ELL: variants seen among roughly 807,000 people sequenced by gnomAD.
ELL encodes RNA polymerase II elongation factor ELL.
Under a neutral mutation model 64.0 loss-of-function variants are expected in ELL, and 18 were observed. The observed-to-expected ratio is 0.28, with a 90% confidence interval of 0.19 to 0.42. The LOEUF (loss-of-function observed/expected upper bound fraction) is 0.42. ELL is among the 10% of genes least tolerant of loss of function. ELL has a pLI of 1.00. For missense variants in ELL, 797 were observed against 870.4 expected (o/e 0.92, Z 1.06); for synonymous variants, 399 against 376.2 (o/e 1.06, Z -0.70).
chr19:18,481,462 C>T (rs748500251), intron 1 of ELL, among the ~76,000 whole-genome samples: 2 of 152,160 alleles, frequency 1.3e-5, no homozygotes, highest in Non-Finnish European at 2.9e-5. Context: ...CCACTGGGGT[C>T]ATGCAGCCTT....
intron 1 of ELL, among the ~76,000 whole-genome samples, chr19:18,502,491 ACCACCAGGGAAATC>A: frequency 6.6e-6 from 1 of 152,344 alleles, no homozygotes; most frequent in South Asian, 2.1e-4. Context: ...GGGCACCCCC[ACCACCAGGGAAATC>A]CTGCAACCAG....
intron 4 of ELL, among the ~76,000 whole-genome samples, chr19:18,464,145 G>T (rs1245348880): frequency 6.6e-6 from 1 of 152,186 alleles, no homozygotes; most frequent in East Asian, 1.9e-4. Flanking sequence ...CAGGCGAAAG[G>T]ATCATTTGAG....
At chr19:18,471,912 G>C (rs1034861015) in intron 2 of ELL, among the ~76,000 whole-genome samples, 28 of 152,052 alleles carry the variant, frequency 1.8e-4, no homozygotes, top group African/African-American at 6.8e-4. Context: ...TAATGCAGCA[G>C]TCCCCTACCT....
chr19:18,458,313 G>A lies in ELL; in HGVS notation c.761C>T (p.Ala254Val), dbSNP rs1263729711. The A allele has an allele frequency of 6.2e-7, 1 of 1,611,792 alleles. No individual in the cohort carries two copies. The highest frequency in any genetic ancestry group is 1.7e-5 in the Admixed American group (1 of 59,968). ...GLLQQVANMS[A>V]KDGTCTLQDC... is the part of the protein sequence containing the mutation. ...CTGCAGTGTACACGTGCCGTCCTTA[G>A]CACTCATGTTGGCCACCTGCAAGAC... Residue 254 changes from alanine (A) to valine (V), a missense_variant, in exon 6 of 12, where the codon GCT (alanine) becomes GTT (valine). By Grantham distance (64) the Ala-to-Val change is moderately conservative. Coordinates refer to ENST00000262809, the MANE Select transcript of ELL (RefSeq NM_006532.4).
intron 1 of ELL, among the ~76,000 whole-genome samples, chr19:18,493,467 G>C (rs1440409027): frequency 6.6e-6 from 1 of 152,260 alleles, no homozygotes; most frequent in African/African-American, 2.4e-5. Flanking sequence ...AGGGCCTGGT[G>C]CTCCAACTTG....
chr19:18,447,635 T>C (rs923773115), intron 8 of ELL, among the ~76,000 whole-genome samples: 2 of 152,186 alleles, frequency 1.3e-5, no homozygotes, highest in African/African-American at 2.4e-5. Context: ...CCTGAGGGTC[T>C]GGAAATCAGG....
At chr19:18,468,824 G>A (rs1308890225) in intron 2 of ELL, among the ~76,000 whole-genome samples, 1 of 152,226 alleles carries the variant, frequency 6.6e-6, no homozygotes, top group Admixed American at 6.5e-5. Flanking sequence ...GGCTTCAGGG[G>A]AGATGCCACT....
chr19:18,489,831 T>C (rs533962942), intron 1 of ELL, among the ~76,000 whole-genome samples: 7 of 152,188 alleles, frequency 4.6e-5, no homozygotes, highest in African/African-American at 1.4e-4. Flanking sequence ...GGGTGCGAGG[T>C]TGGTCTCTTC....
chr19:18,466,740 C>T lies in ELL; in HGVS notation c.184-822G>A, dbSNP rs566602460. Among the ~76,000 whole-genome samples, 25 of 152,338 alleles carry T rather than the reference C, an allele frequency of 1.6e-4. 1 individual carries two copies. In the South Asian group the frequency reaches 5.2e-3, roughly 32 times the overall value. The stretch of plus-strand genomic sequence containing the variant: ...GGCCCTTCCTAAACTAATGCCTGGG[C>T]TTTGGCATGAGCTCCTCACAGTTAG... On this transcript the variant is annotated intron_variant, in intron 2 of 11. Transcript: ENST00000262809.
chr19:18,514,080 C>A (rs1297554406), intron 1 of ELL, among the ~76,000 whole-genome samples: 1 of 152,152 alleles, frequency 6.6e-6, no homozygotes, highest in Admixed American at 6.5e-5. Flanking sequence ...GAGGGTCCAG[C>A]CCTGGAGGAT....
At chr19:18,503,954 C>A (rs542834850) in intron 1 of ELL, among the ~76,000 whole-genome samples, 1 of 152,190 alleles carries the variant, frequency 6.6e-6, no homozygotes, top group Non-Finnish European at 1.5e-5. Flanking sequence ...TAGGTCTGAC[C>A]CCACTCCTAT....
chr19:18,450,717 G>T lies in ELL; in HGVS notation c.1225C>A (p.Arg409=). The part of the protein sequence containing the change: ...DVSNDLGHSG[R]DCEHGEAAAP... Reference sequence around the variant, plus strand: ...GCCGCCTCTCCGTGCTCACAGTCTCGGCCGCTGTGGCCCAGGTCATTGCTG... The same window carrying T: ...GCCGCCTCTCCGTGCTCACAGTCTCTGCCGCTGTGGCCCAGGTCATTGCTG... The change falls in exon 8 of 12, where the codon CGA becomes AGA. Residue 409 remains arginine, a synonymous_variant. Transcript: ENST00000262809. 1 of 1,584,966 alleles carries T rather than the reference G, an allele frequency of 6.3e-7. No homozygotes were observed. Among genetic ancestry groups the T allele is most frequent in the African/African-American group, 1.3e-5 (1 of 74,648 alleles).
chr19:18,504,751 C>A (rs532474021), intron 1 of ELL, among the ~76,000 whole-genome samples: 7 of 152,300 alleles, frequency 4.6e-5, no homozygotes, highest in South Asian at 2.1e-4. Context: ...TATCTCCCCC[C>A]ACCAACACAC....
chr19:18,511,647 T>C (rs1976025926), intron 1 of ELL, among the ~76,000 whole-genome samples: 1 of 152,028 alleles, frequency 6.6e-6, no homozygotes, highest in Admixed American at 6.6e-5. Context: ...GGGGGCCTGA[T>C]GGAGAAGGTG....
intron 5 of ELL, among the ~76,000 whole-genome samples, chr19:18,459,480 ATC>A (rs975724801): frequency 4.0e-5 from 6 of 151,402 alleles, no homozygotes; most frequent in Non-Finnish European, 7.4e-5. Context: ...TTTCTGCTGC[ATC>A]TGACATGGCT....
intron 6 of ELL, among the ~76,000 whole-genome samples, chr19:18,452,646 C>T (rs1008020623): frequency 6.6e-6 from 1 of 152,244 alleles, no homozygotes; most frequent in Non-Finnish European, 1.5e-5. Flanking sequence ...CCATCCCCCA[C>T]AGCTCTACTC....
chr19:18,507,368 C>G (rs917863394), intron 1 of ELL, among the ~76,000 whole-genome samples: 2 of 152,268 alleles, frequency 1.3e-5, no homozygotes, highest in African/African-American at 4.8e-5. Flanking sequence ...CACAGACCCA[C>G]AGCCCCTTGG....
intron 1 of ELL, among the ~76,000 whole-genome samples, chr19:18,474,412 T>C (rs1054743971): frequency 6.6e-6 from 1 of 152,150 alleles, no homozygotes; most frequent in Non-Finnish European, 1.5e-5. Context: ...TTGCCAAGAC[T>C]CCCCAAGGAT....
intron 10 of ELL, 165 bp downstream of exon 10, chr19:18,446,144 G>T: frequency 3.3e-6 from 3 of 909,942 alleles, no homozygotes; most frequent in Non-Finnish European, 4.8e-6. Flanking sequence ...CCAGGGCCGG[G>T]CCAGAACCAT....
Sources: allele counts gnomAD v4.1 joint callset (sites outside exome capture counted in the v4.1 genomes callset), GRCh38; gene constraint gnomAD v4.1.1; transcripts MANE v1.5; gene names NCBI Gene and HGNC (gene_info 2026-07-23, HGNC 2026-07-21).